The following GTPBP10 variants were observed in gnomAD, a reference collection of about 807,000 sequenced individuals.
The protein encoded by GTPBP10 is GTP-binding protein 10.
A neutral mutation model predicts 44.8 loss-of-function variants in GTPBP10; 38 were observed. That is an observed-to-expected ratio of 0.85 (90% CI 0.65 to 1.11). The LOEUF (loss-of-function observed/expected upper bound fraction) is 1.11, where lower values mean the gene tolerates loss of function less well. Among genes scored for constraint, GTPBP10 ranks in the 50% most tolerant of loss-of-function variants. The probability of loss-of-function intolerance (pLI) is 0.00; values close to 1 mark genes in which losing one functional copy is unlikely to be tolerated. For synonymous variants in GTPBP10, 152 were observed against 150.6 expected (o/e 1.01, Z -0.07); for missense variants, 462 against 453.7 (o/e 1.02, Z -0.17).
Position 90,389,953 on chromosome 7 carries a change from A to G in GTPBP10, c.*4799A>G, listed in dbSNP as rs1212582289. Reference sequence around the variant, plus strand: ...CAAGTGTGTGCCACCATACCTGGCTAATTTTTAAAAACTATTTTGTAGAGA... The same window carrying G: ...CAAGTGTGTGCCACCATACCTGGCTGATTTTTAAAAACTATTTTGTAGAGA... On this transcript the variant is annotated 3_prime_UTR_variant, in exon 10 of 10. Coordinates refer to ENST00000222511, the MANE Select transcript of GTPBP10 (RefSeq NM_033107.4). 2 of 152,170 alleles carry G rather than the reference A, an allele frequency of 1.3e-5. No homozygotes were observed. The highest frequency in any genetic ancestry group is 4.8e-5 in the African/African-American group (2 of 41,416). The allele number at this position is 152,170 out of a possible 1,614,324, so 9.4% of individuals were successfully genotyped here.
intron 4 of GTPBP10, among the ~76,000 whole-genome samples, chr7:90,361,922 G>A (rs1369147466): frequency 2.6e-5 from 4 of 152,174 alleles, no homozygotes; most frequent in Non-Finnish European, 5.9e-5. Context: ...TTGCATAGAG[G>A]TGTTTATAGT....
At chr7:90,382,418 T>C (rs1796448494) in intron 8 of GTPBP10, among the ~76,000 whole-genome samples, 1 of 152,120 alleles carries the variant, frequency 6.6e-6, no homozygotes, top group African/African-American at 2.4e-5. Context: ...ATGCCCAGTC[T>C]TACATATTTA....
intron 1 of GTPBP10, among the ~76,000 whole-genome samples, chr7:90,348,410 T>C (rs1366191478): frequency 3.3e-5 from 5 of 152,188 alleles, no homozygotes; most frequent in Non-Finnish European, 7.3e-5. Flanking sequence ...AAGCCGTCAG[T>C]TGACACATAT....
chr7:90,346,718 A>G lies in GTPBP10; in HGVS notation c.-24A>G, dbSNP rs192855470. Reference sequence around the variant, plus strand: ...CTGCGGCTTGTGCCGCTTCCGCAAGAAGGTTTCCTGGCCTGTTGCAGCCAT... The same window carrying G: ...CTGCGGCTTGTGCCGCTTCCGCAAGGAGGTTTCCTGGCCTGTTGCAGCCAT... On this transcript the variant is annotated 5_prime_UTR_variant, in exon 1 of 10. Coordinates refer to ENST00000222511, the MANE Select transcript of GTPBP10 (RefSeq NM_033107.4). 3.7e-6 allele frequency: 6 copies of G among 1,613,826 alleles called. No homozygotes were observed. In the Admixed American group the frequency reaches 8.3e-5, roughly 22 times the overall value.
chr7:90,384,956 C>G lies in GTPBP10; in HGVS notation c.966C>G (p.Ile322Met). Residue 322 changes from isoleucine to methionine, a missense_variant, in exon 10 of 10, where the codon ATC becomes ATG. Coordinates refer to ENST00000222511, the MANE Select transcript of GTPBP10 (RefSeq NM_033107.4). Reference sequence around the variant, plus strand: ...GGACTGTAGAGTTCCAACATATCATCCCCATATCTGCAGTTACTGGAGAAG... The same window carrying G: ...GGACTGTAGAGTTCCAACATATCATGCCCATATCTGCAGTTACTGGAGAAG... The part of the protein sequence containing the change: ...PERTVEFQHI[I>M]PISAVTGEGI... 1 of 1,611,922 alleles carries G rather than the reference C, an allele frequency of 6.2e-7. No homozygotes were observed. The highest frequency in any genetic ancestry group is 8.5e-7 in the Non-Finnish European group (1 of 1,178,174).
rs536804348 is a variant in GTPBP10 at position 90,378,213 on chromosome 7, T to C, written c.777+2T>C. ...GAAACCATAATACTGCTTACAAAAG[T>C]AGGTTTTCTGTTTTACTGTGTTCTG... On this transcript the variant is annotated splice_donor_variant, in intron 8 of 9. Coordinates refer to ENST00000222511, the MANE Select transcript of GTPBP10 (RefSeq NM_033107.4). LOFTEE classifies it high-confidence loss of function. 2 of 1,610,684 alleles carry C rather than the reference T, an allele frequency of 1.2e-6. No homozygotes were observed. The highest frequency in any genetic ancestry group is 1.7e-6 in the Non-Finnish European group (2 of 1,177,664).
At chr7:90,349,297 G>C (rs1216959672) in intron 1 of GTPBP10, among the ~76,000 whole-genome samples, 6 of 152,134 alleles carry the variant, frequency 3.9e-5, no homozygotes, top group Non-Finnish European at 7.3e-5. Context: ...AGAAAATCAT[G>C]TTTAATGAGC....
intron 4 of GTPBP10, among the ~76,000 whole-genome samples, chr7:90,362,836 ATT>A (rs1202042891): frequency 6.6e-6 from 1 of 152,176 alleles, no homozygotes; most frequent in Non-Finnish European, 1.5e-5. Context: ...GTGCATATGT[ATT>A]TAGGATAGTT....
chr7:90,354,847 G>A (rs1795863547), intron 3 of GTPBP10, among the ~76,000 whole-genome samples: 1 of 152,018 alleles, frequency 6.6e-6, no homozygotes, highest in Admixed American at 6.6e-5. Flanking sequence ...GAATTTCCTG[G>A]ACTGTTTTTC....
chr7:90,368,927 G>C (rs577468968), intron 4 of GTPBP10, among the ~76,000 whole-genome samples: 1 of 152,318 alleles, frequency 6.6e-6, no homozygotes, highest in East Asian at 1.9e-4. Context: ...CATCTTTGTG[G>C]TTTTATCTAC....
intron 4 of GTPBP10, among the ~76,000 whole-genome samples, chr7:90,356,722 G>A (rs1461780647): frequency 6.6e-6 from 1 of 151,944 alleles, no homozygotes; most frequent in Non-Finnish European, 1.5e-5. Flanking sequence ...AATAGTGTAT[G>A]GAGATAAGTC....
chr7:90,379,096 T>C (rs1057227719), intron 8 of GTPBP10, among the ~76,000 whole-genome samples: 8 of 152,234 alleles, frequency 5.3e-5, no homozygotes, highest in Admixed American at 4.6e-4. Flanking sequence ...AAGTAAACTT[T>C]TAAAAAACTT....
In GTPBP10 at chr7:90,374,413, G is replaced by C. The variant is rs75925842; in HGVS notation, c.591+59G>C. 7.3e-3 allele frequency: 7,852 copies of C among 1,070,614 alleles called. 43 individuals carry two copies. Among genetic ancestry groups the C allele is most frequent in the Non-Finnish European group, 9.7e-3 (6,840 of 703,364 alleles). The allele number at this position is 1,070,614 out of a possible 1,614,324, so 66.3% of individuals were successfully genotyped here. A position where few individuals can be genotyped will look rare whatever the true frequency, so the allele number is the denominator to read the frequency against. On this transcript the variant is annotated intron_variant, in intron 6 of 9. Coordinates refer to ENST00000222511, the MANE Select transcript of GTPBP10 (RefSeq NM_033107.4). Reference sequence around the variant, plus strand: ...AGTCAAAAGTACTTGGTTTTGGTACGTACTTGGATATTATAGTTTTTGCCT... The same window carrying C: ...AGTCAAAAGTACTTGGTTTTGGTACCTACTTGGATATTATAGTTTTTGCCT...
chr7:90,369,205 T>TCTTGGC (rs1432765999), intron 4 of GTPBP10, among the ~76,000 whole-genome samples: 1 of 152,184 alleles, frequency 6.6e-6, no homozygotes, highest in African/African-American at 2.4e-5. Flanking sequence ...ATGAGGTGTC[T>TCTTGGC]CTTGGCCCCT....
chr7:90,367,775 T>A (rs531088158), intron 4 of GTPBP10, among the ~76,000 whole-genome samples: 1 of 152,310 alleles, frequency 6.6e-6, no homozygotes, highest in South Asian at 2.1e-4. Context: ...ATTTAGCCCA[T>A]TTACATTTAA....
chr7:90,375,751 G>T (rs1796334810), intron 6 of GTPBP10, among the ~76,000 whole-genome samples: 1 of 151,968 alleles, frequency 6.6e-6, no homozygotes, highest in African/African-American at 2.4e-5. Flanking sequence ...ACTGGGCAAG[G>T]GATGTCGAGT....
intron 4 of GTPBP10, among the ~76,000 whole-genome samples, 171 bp downstream of exon 4, chr7:90,355,401 C>T (rs1456697425): frequency 1.3e-5 from 2 of 151,928 alleles, no homozygotes; most frequent in Non-Finnish European, 2.9e-5. Context: ...ATTGCCAACA[C>T]AGAGTTTCAT....
chr7:90,374,683 T>C (rs1796314400), intron 6 of GTPBP10, among the ~76,000 whole-genome samples: 1 of 152,228 alleles, frequency 6.6e-6, no homozygotes, highest in South Asian at 2.1e-4. Context: ...AAGTTCATGG[T>C]AATGATTTTA....
In GTPBP10 at chr7:90,387,436, T is replaced by C. The variant is rs1433348729; in HGVS notation, c.*2282T>C. On this transcript the variant is annotated 3_prime_UTR_variant, in exon 10 of 10. Coordinates refer to ENST00000222511, the MANE Select transcript of GTPBP10 (RefSeq NM_033107.4). ...TTAATGTTGCATACAGCCTGAGATA[T>C]GGCTGTTCACCCTTTGGTAAAGTAT... 1 of 152,242 alleles carries C rather than the reference T, an allele frequency of 6.6e-6. No homozygotes were observed. Among genetic ancestry groups the C allele is most frequent in the Non-Finnish European group, 1.5e-5 (1 of 68,052 alleles). 9.4% of individuals were successfully genotyped at this position (152,242 alleles called of 1,614,324 possible).
Sources: allele counts gnomAD v4.1 joint callset (sites outside exome capture counted in the v4.1 genomes callset), GRCh38; gene constraint gnomAD v4.1.1; transcripts MANE v1.5; gene names NCBI Gene and HGNC (gene_info 2026-07-23, HGNC 2026-07-21).